The following NACC2 variants were observed in gnomAD, a reference collection of about 807,000 sequenced individuals.
NACC2 encodes NACC family member 2.
Under a neutral mutation model 25.1 loss-of-function variants are expected in NACC2, and 8 were observed. That is an observed-to-expected ratio of 0.32 (90% CI 0.19 to 0.57). NACC2 has a LOEUF of 0.57. Among genes scored for constraint, NACC2 ranks in the 20% least tolerant of loss-of-function variants. NACC2 has a pLI of 0.89. For missense variants in NACC2, 644 were observed against 650.2 expected, an observed-to-expected ratio of 0.99 and a Z score of 0.10; for synonymous variants, 435 against 294.7, an observed-to-expected ratio of 1.48 and a Z score of -4.88.
chr9:136,057,969 T>C (rs938963315), intron 1 of NACC2, among the ~76,000 whole-genome samples: 1 of 152,166 alleles, frequency 6.6e-6, no homozygotes, highest in Non-Finnish European at 1.5e-5. Context: ...TTAATATTCA[T>C]AGCTCTCCTC....
intron 2 of NACC2, among the ~76,000 whole-genome samples, chr9:136,017,725 C>T (rs1003244861): frequency 6.6e-6 from 1 of 152,336 alleles, no homozygotes; most frequent in Admixed American, 6.5e-5. Context: ...GAGGGCGGAG[C>T]ACCGCCTCCC....
rs368228767 is a variant in NACC2, at chr9:136,012,039, C to T, written c.1256-15G>A. On this transcript the variant is annotated splice_polypyrimidine_tract_variant and intron_variant, in intron 5 of 5. Transcript: ENST00000277554. The stretch of plus-strand genomic sequence containing the variant: ...CTGACAGTACACTGTGAGGACGGGG[C>T]GGCGTGAGCTCAGCCACCTGCCTGC... 103 of 1,518,284 alleles carry T rather than the reference C, an allele frequency of 6.8e-5. No homozygotes were observed. Among genetic ancestry groups the T allele is most frequent in the Middle Eastern group, 3.5e-4 (2 of 5,786 alleles). The allele number at this position is 1,518,284 out of a possible 1,614,324, so 94.1% of individuals were successfully genotyped here.
chr9:136,057,327 C>G (rs540080914), intron 1 of NACC2, among the ~76,000 whole-genome samples: 95 of 152,284 alleles, frequency 6.2e-4, no homozygotes, highest in African/African-American at 2.2e-3. Context: ...ACAGCACAGA[C>G]TGTCAACAGG....
intron 3 of NACC2, among the ~76,000 whole-genome samples, chr9:136,014,686 AG>A (rs1461076306): frequency 1.3e-5 from 2 of 152,330 alleles, no homozygotes; most frequent in Non-Finnish European, 2.9e-5. Context: ...GAGAGCCCTC[AG>A]GCAACGATGA....
rs1056398251 is a variant in NACC2, at chr9:136,086,053, C to A, written c.-60+9136G>T. 6.6e-6 allele frequency among the ~76,000 whole-genome samples: 1 copy of A among 152,192 alleles called. No individual in the cohort carries two copies. Among genetic ancestry groups the A allele is most frequent in the Admixed American group, 6.5e-5 (1 of 15,290 alleles). On this transcript the variant is annotated intron_variant, in intron 1 of 5. Coordinates refer to ENST00000277554, the MANE Select transcript of NACC2 (RefSeq NM_144653.5). The surrounding 1 kb of genome is among the most constrained non-coding windows in gnomAD (Gnocchi z 5.6). Reference sequence around the variant, plus strand: ...GGGTTGGCAGAGCCCGGAGTCCGGGCGCCACGCAGGGCAGCTCCGACGGGC... The same window carrying A: ...GGGTTGGCAGAGCCCGGAGTCCGGGAGCCACGCAGGGCAGCTCCGACGGGC...
intron 3 of NACC2, among the ~76,000 whole-genome samples, chr9:136,015,815 C>T (rs966514865): frequency 2.0e-5 from 3 of 152,218 alleles, no homozygotes; most frequent in African/African-American, 4.8e-5. Flanking sequence ...GAATCCAACA[C>T]AAAAGGTAAA....
In NACC2 at chr9:136,020,699, C is replaced by G. The variant is rs1183078320; in HGVS notation, c.887-4270G>C. On this transcript the variant is annotated intron_variant, in intron 2 of 5. Coordinates refer to ENST00000277554, the MANE Select transcript of NACC2 (RefSeq NM_144653.5). This position sits in a 1 kb window ranked among gnomAD's most constrained non-coding sequence, Gnocchi z 4.7. ...AGTGCTGAATCAACTGATTTTAAGACTTCCTGTACAGCTACAGTCATGAAG... is the reference window on the plus strand; with the variant it reads ...AGTGCTGAATCAACTGATTTTAAGAGTTCCTGTACAGCTACAGTCATGAAG... 6.6e-6 allele frequency among the ~76,000 whole-genome samples: 1 copy of G among 152,206 alleles called. No individual in the cohort carries two copies. Among genetic ancestry groups the G allele is most frequent in the Non-Finnish European group, 1.5e-5 (1 of 68,038 alleles).
chr9:136,026,878 T>A (rs1487431051), intron 2 of NACC2, among the ~76,000 whole-genome samples: 1 of 152,148 alleles, frequency 6.6e-6, no homozygotes, highest in African/African-American at 2.4e-5. Context: ...AGACGGTAGA[T>A]TAACCCAGCA....
intron 1 of NACC2, among the ~76,000 whole-genome samples, chr9:136,059,938 C>T (rs1840984919): frequency 6.6e-6 from 1 of 152,374 alleles, no homozygotes; most frequent in South Asian, 2.1e-4. Context: ...AGAGGGGCCG[C>T]ACCCTGTCCC....
intron 2 of NACC2, among the ~76,000 whole-genome samples, chr9:136,026,372 AAAG>A (rs1163854587): frequency 2.6e-5 from 4 of 150,950 alleles, no homozygotes; most frequent in African/African-American, 9.7e-5. Flanking sequence ...AAAAAAGATA[AAAG>A]AATAGAAAAT....
At position 136,008,768 on chromosome 9, in the gene NACC2, T is replaced by A. The variant is rs1292538150; in HGVS notation, c.*2748A>T. 1 of 152,272 alleles carries A rather than the reference T, an allele frequency of 6.6e-6. No homozygotes were observed. Among genetic ancestry groups the A allele is most frequent in the Non-Finnish European group, 1.5e-5 (1 of 68,104 alleles). 9.4% of individuals were successfully genotyped at this position (152,272 alleles called of 1,614,324 possible). A position where few individuals can be genotyped will look rare whatever the true frequency, so the allele number is the denominator to read the frequency against. Reference sequence around the variant, plus strand: ...TGGAGGGAGCACACAGCAGGTCCGCTCAGCAGCCACGCACGTCCACAGACA... The same window carrying A: ...TGGAGGGAGCACACAGCAGGTCCGCACAGCAGCCACGCACGTCCACAGACA... On this transcript the variant is annotated 3_prime_UTR_variant, in exon 6 of 6. Coordinates refer to ENST00000277554, the MANE Select transcript of NACC2 (RefSeq NM_144653.5).
At position 136,011,361 on chromosome 9, in the gene NACC2, TTCA is replaced by T; in HGVS notation, c.*152_*154del. On this transcript the variant is annotated 3_prime_UTR_variant, in exon 6 of 6. Transcript: ENST00000277554. ...CAGTATAATGAATGCATTTGTTTCC[TTCA>T]TCAATTTTAAATACAAGCAGAATAA... 1.1e-6 allele frequency: 1 copy of T among 889,842 alleles called. No homozygotes were observed. Among genetic ancestry groups the T allele is most frequent in the Non-Finnish European group, 1.5e-6 (1 of 659,832 alleles). The allele number at this position is 889,842 out of a possible 1,614,324, so 55.1% of individuals were successfully genotyped here.
At chr9:136,030,958 G>T (rs1046024542) in intron 2 of NACC2, among the ~76,000 whole-genome samples, 3 of 152,114 alleles carry the variant, frequency 2.0e-5, no homozygotes, top group Non-Finnish European at 2.9e-5. Flanking sequence ...ACCGTGCCCG[G>T]CCAATACATC....
At chr9:136,017,009 G>A (rs559826318) in intron 2 of NACC2, among the ~76,000 whole-genome samples, 1 of 152,264 alleles carries the variant, frequency 6.6e-6, no homozygotes, top group South Asian at 2.1e-4. Flanking sequence ...CCTGACTCAG[G>A]GGCAAGGACA....
chr9:136,025,167 G>A (rs10114772), intron 2 of NACC2, among the ~76,000 whole-genome samples: 5,764 of 152,302 alleles, frequency 0.038, 378 homozygotes, highest in African/African-American at 0.13. Flanking sequence ...AAGGGCTACA[G>A]GCTACGGTGT....
At chr9:136,031,585 G>T (rs1014899985) in intron 2 of NACC2, among the ~76,000 whole-genome samples, 1 of 152,044 alleles carries the variant, frequency 6.6e-6, no homozygotes, top group Admixed American at 6.6e-5. Flanking sequence ...TGATCCACCC[G>T]CCTCGGCCTC....
In NACC2 at chr9:136,011,281, A is replaced by C; in HGVS notation, c.*235T>G. 1 of 365,696 alleles carries C rather than the reference A, an allele frequency of 2.7e-6. No individual in the cohort carries two copies. Among genetic ancestry groups the C allele is most frequent in the Non-Finnish European group, 4.6e-6 (1 of 215,182 alleles). 22.7% of individuals were successfully genotyped at this position (365,696 alleles called of 1,614,324 possible). A position where few individuals can be genotyped will look rare whatever the true frequency, so the allele number is the denominator to read the frequency against. ...CTTGGAGGCTGACCTTGTGAATATC[A>C]AAAGGGAGCCCTGGGAACTTCCTCG... On this transcript the variant is annotated 3_prime_UTR_variant, in exon 6 of 6. Transcript: ENST00000277554.
chr9:136,064,415 A>G (rs976848226), intron 1 of NACC2, among the ~76,000 whole-genome samples: 1 of 152,228 alleles, frequency 6.6e-6, no homozygotes. Flanking sequence ...TGCAATGAAC[A>G]ACCTAAAAAT....
chr9:136,029,942 G>A (rs998752933), intron 2 of NACC2, among the ~76,000 whole-genome samples: 1 of 152,194 alleles, frequency 6.6e-6, no homozygotes, highest in African/African-American at 2.4e-5. Flanking sequence ...AGCCCAGCAG[G>A]CACGAGCAAA....
Sources: allele counts gnomAD v4.1 joint callset (sites outside exome capture counted in the v4.1 genomes callset), GRCh38; gene constraint gnomAD v4.1.1; non-coding constraint Gnocchi (gnomAD v3.1); transcripts MANE v1.5; gene names NCBI Gene and HGNC (gene_info 2026-07-23, HGNC 2026-07-21).